Variants in EBF2 observed in about 807,000 individuals in gnomAD.
The protein encoded by EBF2 is transcription factor COE2.
EBF2 carries 21 observed loss-of-function variants against 72.8 expected under a neutral mutation model. That is an observed-to-expected ratio of 0.29 (90% CI 0.20 to 0.42). The LOEUF (loss-of-function observed/expected upper bound fraction) is 0.42, where lower values mean the gene tolerates loss of function less well. Among genes scored for constraint, EBF2 ranks in the 10% least tolerant of loss-of-function variants. EBF2 has a pLI of 1.00. For missense variants in EBF2, 637 were observed against 731.2 expected (o/e 0.87, Z 1.49); for synonymous variants, 299 against 274.2 (o/e 1.09, Z -0.89).
intron 7 of EBF2, among the ~76,000 whole-genome samples, chr8:25,900,447 A>C (rs1802933247): frequency 1.4e-5 from 2 of 138,368 alleles, no homozygotes. Context: ...TGACAGAGTA[A>C]GACCCTGTCT....
intron 10 of EBF2, among the ~76,000 whole-genome samples, chr8:25,881,620 G>C (rs1466429099): frequency 6.6e-6 from 1 of 152,220 alleles, no homozygotes; most frequent in Non-Finnish European, 1.5e-5. Context: ...AGGAAGGCCT[G>C]GTCCCTGGCT....
rs1008013573 is a variant in EBF2 at position 26,045,031 on chromosome 8, C to G, written c.-172G>C. The G allele has an allele frequency of 3.7e-5, 26 of 709,814 alleles. No individual in the cohort carries two copies. Among genetic ancestry groups the G allele is most frequent in the Non-Finnish European group, 5.1e-5 (23 of 447,620 alleles). 44.0% of individuals were successfully genotyped at this position (709,814 alleles called of 1,614,324 possible). A position where few individuals can be genotyped will look rare whatever the true frequency, so the allele number is the denominator to read the frequency against. Reference sequence around the variant, plus strand: ...AAAAGATAACCCGTCCTTTGCTTCACTGGCGAGGTGCGGACTGATGTAGTC... The same window carrying G: ...AAAAGATAACCCGTCCTTTGCTTCAGTGGCGAGGTGCGGACTGATGTAGTC... On this transcript the variant is annotated 5_prime_UTR_variant, in exon 1 of 16. Transcript: ENST00000520164.
chr8:25,969,510 C>T (rs375620763), intron 6 of EBF2, among the ~76,000 whole-genome samples: 1 of 152,232 alleles, frequency 6.6e-6, no homozygotes, highest in African/African-American at 2.4e-5. Flanking sequence ...AAGTGCAGTA[C>T]CCACATCCAT....
chr8:25,841,882 C>A lies in EBF2; in HGVS notation c.*2727G>T, dbSNP rs910715655. Reference sequence around the variant, plus strand: ...TTACAAAAAGCTCTGTGCATAGCAACTTTATACTGTATATAACTGACAAAG... The same window carrying A: ...TTACAAAAAGCTCTGTGCATAGCAAATTTATACTGTATATAACTGACAAAG... On this transcript the variant is annotated 3_prime_UTR_variant, in exon 16 of 16. Coordinates refer to ENST00000520164, the MANE Select transcript of EBF2 (RefSeq NM_022659.4). 1 of 152,070 alleles carries A rather than the reference C, an allele frequency of 6.6e-6. No homozygotes were observed. The highest frequency in any genetic ancestry group is 2.4e-5 in the African/African-American group (1 of 41,420). 9.4% of individuals were successfully genotyped at this position (152,070 alleles called of 1,614,324 possible). A position where few individuals can be genotyped will look rare whatever the true frequency, so the allele number is the denominator to read the frequency against.
At chr8:26,011,379 G>A (rs995890768) in intron 6 of EBF2, among the ~76,000 whole-genome samples, 2 of 151,760 alleles carry the variant, frequency 1.3e-5, no homozygotes, top group African/African-American at 4.8e-5. Context: ...GCCTCTAGTT[G>A]CCTGGCTTTA....
intron 15 of EBF2, among the ~76,000 whole-genome samples, chr8:25,847,340 G>A (rs1173132469): frequency 6.6e-6 from 1 of 152,160 alleles, no homozygotes; most frequent in Non-Finnish European, 1.5e-5. Context: ...TCCCTGTCCA[G>A]CTGGTGTCTG....
intron 7 of EBF2, among the ~76,000 whole-genome samples, chr8:25,906,526 G>C (rs985813224): frequency 6.6e-6 from 1 of 152,112 alleles, no homozygotes; most frequent in African/African-American, 2.4e-5. Flanking sequence ...CAGCAATTTA[G>C]AAGGCTGAGT....
In EBF2 at chr8:25,957,021, C is replaced by T. The variant is rs146820440; in HGVS notation, c.552-48466G>A. Among the ~76,000 whole-genome samples, 141 of 152,330 alleles carry T rather than the reference C, an allele frequency of 9.3e-4. 2 individuals are homozygous for T. In the East Asian group the frequency reaches 0.023, roughly 25 times the overall value. ...ATACTGACAGATCGAGAATATCTGG[C>T]AAGGGCCACATTTATTGCTGTGCCT... On this transcript the variant is annotated intron_variant, in intron 6 of 15. Coordinates refer to ENST00000520164, the MANE Select transcript of EBF2 (RefSeq NM_022659.4).
At chr8:25,931,268 G>A (rs1359589465) in intron 6 of EBF2, among the ~76,000 whole-genome samples, 1 of 152,036 alleles carries the variant, frequency 6.6e-6, no homozygotes, top group Non-Finnish European at 1.5e-5. Context: ...TTAAATTGTG[G>A]GAACAGACTC....
intron 7 of EBF2, among the ~76,000 whole-genome samples, chr8:25,905,692 C>A (rs1244470919): frequency 6.6e-6 from 1 of 152,128 alleles, no homozygotes; most frequent in Non-Finnish European, 1.5e-5. Context: ...GAAACAGGAA[C>A]TGGGAGACAT....
intron 6 of EBF2, among the ~76,000 whole-genome samples, chr8:25,932,580 C>T (rs1585199671): frequency 6.6e-6 from 1 of 152,158 alleles, no homozygotes; most frequent in African/African-American, 2.4e-5. Flanking sequence ...ACTGTGCCAG[C>T]ACATGCAAAG....
At chr8:25,844,735 G>A in intron 15 of EBF2, 95 bp from the exon 16 acceptor site, 3 of 1,481,494 alleles carry the variant, frequency 2.0e-6, no homozygotes, top group Non-Finnish European at 9.4e-7. Flanking sequence ...GAATGATAGA[G>A]TCTGATGCTA....
At position 25,858,422 on chromosome 8, in the gene EBF2, G is replaced by A; in HGVS notation, c.1425C>T (p.Ser475=). The A allele has an allele frequency of 6.2e-7, 1 of 1,614,118 alleles. No homozygotes were observed. Among genetic ancestry groups the A allele is most frequent in the Non-Finnish European group, 8.5e-7 (1 of 1,180,016 alleles). ...STPQQSNYST[S]SNSMNGYSNV... ...TGCTGTAGCCATTCATACTGTTGCTGGAGGTACTGTAATTAGACTGTTGAG... is the reference window on the plus strand; with the variant it reads ...TGCTGTAGCCATTCATACTGTTGCTAGAGGTACTGTAATTAGACTGTTGAG... Residue 475 remains serine, a synonymous_variant, in exon 14 of 16, where the codon TCC becomes TCT. Transcript: ENST00000520164.
At chr8:25,980,158 G>A (rs552129439) in intron 6 of EBF2, among the ~76,000 whole-genome samples, 172 of 152,214 alleles carry the variant, frequency 1.1e-3, no homozygotes, top group African/African-American at 3.9e-3. Flanking sequence ...ACGGAAAAGC[G>A]GGGGTGGGAG....
At chr8:25,867,932 A>G (rs890123999) in intron 10 of EBF2, among the ~76,000 whole-genome samples, 1 of 152,214 alleles carries the variant, frequency 6.6e-6, no homozygotes, top group African/African-American at 2.4e-5. Flanking sequence ...ATGTTTTAGC[A>G]TAGAATCTAT....
rs556672122 is a variant in EBF2, at chr8:25,903,519, C to A, written c.633+4955G>T. ...GACCATCCTGGCTAACACGGTGAAA[C>A]CCCGTTTCTACTAAAAATACAAAAA... On this transcript the variant is annotated intron_variant, in intron 7 of 15. Coordinates refer to ENST00000520164, the MANE Select transcript of EBF2 (RefSeq NM_022659.4). 5.2e-3 allele frequency among the ~76,000 whole-genome samples: 716 copies of A among 138,948 alleles called. 4 individuals carry two copies. The highest frequency in any genetic ancestry group is 8.0e-3 in the Non-Finnish European group (515 of 64,318). The allele number at this position is 138,948 out of a possible 152,430, so 91.2% of individuals were successfully genotyped here.
intron 6 of EBF2, among the ~76,000 whole-genome samples, chr8:25,960,392 C>T (rs958632690): frequency 1.4e-4 from 22 of 152,172 alleles, no homozygotes; most frequent in African/African-American, 5.1e-4. Flanking sequence ...GTAGTACTGC[C>T]CATCATCCCA....
intron 7 of EBF2, among the ~76,000 whole-genome samples, chr8:25,891,922 A>T (rs1802789026): frequency 6.6e-6 from 1 of 152,046 alleles, no homozygotes; most frequent in Admixed American, 6.6e-5. Flanking sequence ...CATTTTAAAA[A>T]CCTTTTATTA....
chr8:26,022,930 T>G (rs1368150739), intron 6 of EBF2, among the ~76,000 whole-genome samples: 1 of 152,220 alleles, frequency 6.6e-6, no homozygotes, highest in Non-Finnish European at 1.5e-5. Context: ...TCTAGGTCAA[T>G]GTGTAGAAGA....
Sources: gnomAD v4.1 joint callset for allele counts (sites outside exome capture counted in the v4.1 genomes callset) on GRCh38, gnomAD v4.1.1 for gene constraint, MANE v1.5 for transcripts, NCBI Gene and HGNC (gene_info 2026-07-23, HGNC 2026-07-21) for gene names.